The following MTUS2 variants were observed in gnomAD, a reference collection of about 807,000 sequenced individuals.
MTUS2 encodes microtubule associated scaffold protein 2, also known as microtubule-associated tumor suppressor candidate 2.
A neutral mutation model predicts 114.1 loss-of-function variants in MTUS2; 40 were observed. The observed-to-expected ratio is 0.35, with a 90% confidence interval of 0.27 to 0.46. MTUS2 has a LOEUF of 0.46. Ranked by LOEUF, MTUS2 falls within the 20% of genes least tolerant of loss-of-function variation. The probability of loss-of-function intolerance (pLI) is 1.00; values close to 1 mark genes in which losing one functional copy is unlikely to be tolerated. For synonymous variants in MTUS2, 688 were observed against 672.0 expected, an observed-to-expected ratio of 1.02 and a Z score of -0.37; for missense variants, 1,679 against 1,705.4, an observed-to-expected ratio of 0.98 and a Z score of 0.27.
At chr13:29,184,695 C>G (rs181164854) in intron 5 of MTUS2, among the ~76,000 whole-genome samples, 1 of 152,066 alleles carries the variant, frequency 6.6e-6, no homozygotes, top group Non-Finnish European at 1.5e-5. Flanking sequence ...TAGTGGCACA[C>G]GTGACAAAAA....
intron 5 of MTUS2, among the ~76,000 whole-genome samples, chr13:29,266,034 G>C (rs1291432812): frequency 6.6e-6 from 1 of 152,154 alleles, no homozygotes; most frequent in Non-Finnish European, 1.5e-5. Context: ...AGTGATCATA[G>C]TTATCGCCCT....
intron 11 of MTUS2, among the ~76,000 whole-genome samples, chr13:29,489,440 A>G (rs1305153422): frequency 2.0e-5 from 3 of 152,144 alleles, no homozygotes; most frequent in African/African-American, 7.2e-5. Context: ...CACCCCCACT[A>G]CCTCTGGGAA....
intron 5 of MTUS2, among the ~76,000 whole-genome samples, chr13:29,145,107 G>A (rs1171108345): frequency 2.0e-5 from 3 of 152,094 alleles, no homozygotes; most frequent in Admixed American, 6.5e-5. Context: ...TTGTGCTATT[G>A]ACTTTTATCA....
chr13:29,338,699 G>A (rs1279421949), intron 7 of MTUS2, among the ~76,000 whole-genome samples: 1 of 152,152 alleles, frequency 6.6e-6, no homozygotes, highest in African/African-American at 2.4e-5. Context: ...GTGAGGTGTG[G>A]CTTGAATTTT....
intron 4 of MTUS2, among the ~76,000 whole-genome samples, chr13:29,081,303 A>G (rs1394211780): frequency 6.6e-6 from 1 of 152,156 alleles, no homozygotes; most frequent in Non-Finnish European, 1.5e-5. Flanking sequence ...AGGCTGAAAA[A>G]GATGACAGCT....
At chr13:28,913,549 A>C (rs1880573930) in intron 2 of MTUS2, among the ~76,000 whole-genome samples, 1 of 152,146 alleles carries the variant, frequency 6.6e-6, no homozygotes, top group South Asian at 2.1e-4. Context: ...AGCGATATTC[A>C]TCAGGGATAT....
At chr13:29,212,550 G>C (rs1197900262) in intron 5 of MTUS2, among the ~76,000 whole-genome samples, 2 of 152,154 alleles carry the variant, frequency 1.3e-5, no homozygotes, top group African/African-American at 4.8e-5. Context: ...GTGTGTATGT[G>C]ACCCACACTT....
At chr13:28,831,842 C>T (rs576897244) in intron 1 of MTUS2, among the ~76,000 whole-genome samples, 4 of 152,012 alleles carry the variant, frequency 2.6e-5, no homozygotes, top group Non-Finnish European at 5.9e-5. Flanking sequence ...CTGCAACCTC[C>T]GCCTCCTGAG....
At chr13:29,193,603 G>C (rs560416904) in intron 5 of MTUS2, among the ~76,000 whole-genome samples, 14 of 152,052 alleles carry the variant, frequency 9.2e-5, no homozygotes, top group South Asian at 8.4e-4. Flanking sequence ...AGGATACAAA[G>C]AAATGGAAGA....
At chr13:29,235,752 A>AT (rs1489326655) in intron 5 of MTUS2, among the ~76,000 whole-genome samples, 1 of 151,988 alleles carries the variant, frequency 6.6e-6, no homozygotes, top group Non-Finnish European at 1.5e-5. Flanking sequence ...ATTTAAATAG[A>AT]TTTTCTAGGA....
chr13:28,846,208 C>T (rs754012661), intron 2 of MTUS2, among the ~76,000 whole-genome samples: 15 of 151,880 alleles, frequency 9.9e-5, no homozygotes, highest in East Asian at 1.9e-4. Context: ...TGTTAATGAA[C>T]GAACATTTCT....
chr13:29,348,710 C>A (rs1232232809), intron 7 of MTUS2, among the ~76,000 whole-genome samples: 1 of 152,194 alleles, frequency 6.6e-6, no homozygotes, highest in Non-Finnish European at 1.5e-5. Flanking sequence ...ATTTTATCAG[C>A]CTTTCCTCCA....
At chr13:29,014,888 G>A (rs1214941618) in intron 2 of MTUS2, among the ~76,000 whole-genome samples, 1 of 152,212 alleles carries the variant, frequency 6.6e-6, no homozygotes, top group Non-Finnish European at 1.5e-5. Flanking sequence ...AAGTCCGGGA[G>A]CATGGTAGGA....
chr13:29,014,257 G>A (rs776076270), intron 2 of MTUS2, among the ~76,000 whole-genome samples: 18 of 152,182 alleles, frequency 1.2e-4, no homozygotes, highest in Non-Finnish European at 2.2e-4. Flanking sequence ...TCACACAGTT[G>A]CTCAAGACTG....
At chr13:29,311,348 A>T (rs750107219) in intron 6 of MTUS2, among the ~76,000 whole-genome samples, 1 of 152,176 alleles carries the variant, frequency 6.6e-6, no homozygotes, top group African/African-American at 2.4e-5. Flanking sequence ...AATTGCATGG[A>T]TGTTTGTTTT....
intron 5 of MTUS2, among the ~76,000 whole-genome samples, chr13:29,116,874 T>G (rs1891111474): frequency 6.6e-6 from 1 of 152,182 alleles, no homozygotes; most frequent in Non-Finnish European, 1.5e-5. Flanking sequence ...ATTTAAAACT[T>G]ATAAATTGTT....
chr13:28,961,437 C>T (rs1883323763), intron 2 of MTUS2, among the ~76,000 whole-genome samples: 1 of 151,334 alleles, frequency 6.6e-6, no homozygotes, highest in South Asian at 2.1e-4. Context: ...CATTGGATTT[C>T]TCATCAGAAA....
At chr13:29,043,062 CTGTT>C (rs1467811068) in intron 4 of MTUS2, among the ~76,000 whole-genome samples, 1 of 151,930 alleles carries the variant, frequency 6.6e-6, no homozygotes, top group Admixed American at 6.6e-5. Context: ...CTTAGATTGT[CTGTT>C]TGTCCTTTTT....
chr13:28,946,597 C>T (rs552524619), intron 2 of MTUS2, among the ~76,000 whole-genome samples: 14 of 152,132 alleles, frequency 9.2e-5, no homozygotes, highest in South Asian at 4.2e-4. Context: ...TGGATAGAAC[C>T]GAAAGTTGTT....
Sources: gnomAD v4.1 joint callset for allele counts (sites outside exome capture counted in the v4.1 genomes callset) on GRCh38, gnomAD v4.1.1 for gene constraint, MANE v1.5 for transcripts, NCBI Gene and HGNC (gene_info 2026-07-23, HGNC 2026-07-21) for gene names.